QKI: variants seen among roughly 807,000 people sequenced by gnomAD.
The protein encoded by QKI is KH domain-containing RNA-binding protein QKI.
In QKI, 10 loss-of-function variants were observed where a neutral mutation model predicts 39.0. That is an observed-to-expected ratio of 0.26 (90% CI 0.16 to 0.43). QKI has a LOEUF of 0.43. QKI is among the 20% of genes least tolerant of loss of function. The pLI is 1.00. For synonymous variants in QKI, 204 were observed against 155.4 expected (o/e 1.31, Z -2.33); for missense variants, 218 against 428.0 (o/e 0.51, Z 4.33).
Position 163,577,575 on chromosome 6 carries a change from C to T in QKI, c.*6865C>T, listed in dbSNP as rs76813170. On this transcript the variant is annotated 3_prime_UTR_variant, in exon 8 of 8. Transcript: ENST00000361752. ...TGAAGCCAAGTATTCCCTGGTTAGT[C>T]GCCACCCCACCACTCCTTCCTGTCT... 15,823 of 152,228 alleles carry T rather than the reference C, an allele frequency of 0.1. 998 individuals are homozygous for T. The highest frequency in any genetic ancestry group is 0.25 in the East Asian group (1,307 of 5,150). 9.4% of individuals were successfully genotyped at this position (152,228 alleles called of 1,614,324 possible).
At chr6:163,561,180 A>C (rs2128249857) in intron 4 of QKI, among the ~76,000 whole-genome samples, 1 of 152,338 alleles carries the variant, frequency 6.6e-6, no homozygotes, top group Admixed American at 6.5e-5. Flanking sequence ...TGAAGAATTA[A>C]GCATAAAATT....
intron 1 of QKI, among the ~76,000 whole-genome samples, chr6:163,441,215 C>T (rs1474022546): frequency 6.6e-6 from 1 of 152,098 alleles, no homozygotes; most frequent in Non-Finnish European, 1.5e-5. Context: ...AAGAATTTAG[C>T]ATTGATGTAA....
At chr6:163,485,900 C>T (rs1176468013) in intron 3 of QKI, among the ~76,000 whole-genome samples, 1 of 152,202 alleles carries the variant, frequency 6.6e-6, no homozygotes, top group Non-Finnish European at 1.5e-5. Flanking sequence ...ATGGGCCACA[C>T]ATAAAATACA....
intron 3 of QKI, among the ~76,000 whole-genome samples, chr6:163,503,137 A>ATTTTTTTTTTTTTTTTTTTTTTTTT (rs57383986): frequency 1.0e-5 from 1 of 100,034 alleles, no homozygotes; most frequent in Non-Finnish European, 2.0e-5. Flanking sequence ...GGCCCCTTGT[A>ATTTTTTTTTTTTTTTTTTTTTTTTT]TTTTTTTTTT....
At chr6:163,510,963 T>C (rs944783109) in intron 3 of QKI, among the ~76,000 whole-genome samples, 1 of 152,196 alleles carries the variant, frequency 6.6e-6, no homozygotes, top group African/African-American at 2.4e-5. Flanking sequence ...ATCTTACAGC[T>C]AGAGAATTCT....
chr6:163,560,220 C>T (rs542813271), intron 4 of QKI, among the ~76,000 whole-genome samples: 158 of 152,082 alleles, frequency 1.0e-3, no homozygotes, highest in African/African-American at 3.7e-3. Context: ...TGGTGATACT[C>T]AACAGACTGT....
intron 1 of QKI, among the ~76,000 whole-genome samples, chr6:163,421,177 G>A (rs962026237): frequency 1.1e-4 from 16 of 152,158 alleles, no homozygotes; most frequent in African/African-American, 3.6e-4. Flanking sequence ...AGAGGAAAAG[G>A]CACTTATATG....
At chr6:163,548,105 A>G (rs1332851048) in intron 4 of QKI, among the ~76,000 whole-genome samples, 4 of 152,172 alleles carry the variant, frequency 2.6e-5, no homozygotes, top group Non-Finnish European at 4.4e-5. Flanking sequence ...CGTGATTTGT[A>G]TTCTGTACTA....
chr6:163,541,559 CCATT>C (rs755570062), intron 4 of QKI, among the ~76,000 whole-genome samples: 7 of 149,470 alleles, frequency 4.7e-5, no homozygotes, highest in Non-Finnish European at 1.0e-4. Context: ...GTAAAAATCT[CCATT>C]CATTCATTGT....
chr6:163,416,236 G>T, intron 1 of QKI: 1 of 325,584 alleles, frequency 3.1e-6, no homozygotes. Flanking sequence ...AAAGCTGTAT[G>T]GAGCGCTGTG....
chr6:163,533,855 A>G (rs1027214760), intron 3 of QKI, among the ~76,000 whole-genome samples: 3 of 152,226 alleles, frequency 2.0e-5, no homozygotes, highest in Non-Finnish European at 4.4e-5. Flanking sequence ...TTAAAAATAA[A>G]GCAGAAGCAT....
chr6:163,563,584 A>C lies in QKI; in HGVS notation c.799A>C (p.Thr267Pro). The change falls in exon 6 of 8, where the codon ACT (threonine) becomes CCT (proline). Residue 267 changes from threonine to proline, a missense_variant. Around this residue, in one of 3 missense-constraint regions of QKI, gnomAD observed 117 missense variants for 186.0 expected, o/e 0.63. Coordinates refer to ENST00000361752, the MANE Select transcript of QKI (RefSeq NM_006775.3). ...ACAGACCGCTGTCATGCCAAACGGA[A>C]CTCCTCACCCAACTGCTGCAATAGT... ...QIQTAVMPNG[T>P]PHPTAAIVPP... 1 of 1,613,566 alleles carries C rather than the reference A, an allele frequency of 6.2e-7. No homozygotes were observed. Among genetic ancestry groups the C allele is most frequent in the Non-Finnish European group, 8.5e-7 (1 of 1,179,922 alleles).
intron 1 of QKI, among the ~76,000 whole-genome samples, chr6:163,417,422 T>C (rs924103697): frequency 6.6e-6 from 1 of 152,206 alleles, no homozygotes; most frequent in Non-Finnish European, 1.5e-5. Context: ...TTTCACCTTA[T>C]GTATACTATT....
At chr6:163,507,529 G>C (rs1207582266) in intron 3 of QKI, among the ~76,000 whole-genome samples, 1 of 152,160 alleles carries the variant, frequency 6.6e-6, no homozygotes, top group African/African-American at 2.4e-5. Flanking sequence ...CCAACCCAGA[G>C]AAATCTCTGC....
intron 1 of QKI, among the ~76,000 whole-genome samples, chr6:163,441,214 G>A (rs567780041): frequency 3.9e-4 from 60 of 152,248 alleles, no homozygotes; most frequent in Non-Finnish European, 8.5e-4. Context: ...GAAGAATTTA[G>A]CATTGATGTA....
chr6:163,502,170 A>C (rs1274120954), intron 3 of QKI, among the ~76,000 whole-genome samples: 1 of 152,028 alleles, frequency 6.6e-6, no homozygotes, highest in African/African-American at 2.4e-5. Context: ...AAAAAATACA[A>C]AAACTAGCCA....
intron 4 of QKI, among the ~76,000 whole-genome samples, chr6:163,543,512 G>A (rs114767034): frequency 0.01 from 1,526 of 152,168 alleles, 22 homozygotes; most frequent in African/African-American, 0.034. Context: ...TGGTTTAGCT[G>A]CAGGATAAAA....
rs1783665069 is a variant in QKI, at chr6:163,570,857, A to G, written c.*147A>G. The G allele has an allele frequency of 3.6e-6, 4 of 1,114,760 alleles. No individual in the cohort carries two copies. The highest frequency in any genetic ancestry group is 5.0e-6 in the Non-Finnish European group (4 of 800,174). 69.1% of individuals were successfully genotyped at this position (1,114,760 alleles called of 1,614,324 possible). ...TGTCCGTTCGTCTTACCATCTAACC[A>G]AACAAAAGACAAAGAAATTGTTGTC... On this transcript the variant is annotated 3_prime_UTR_variant, in exon 8 of 8. Coordinates refer to ENST00000361752, the MANE Select transcript of QKI (RefSeq NM_006775.3).
intron 7 of QKI, chr6:163,568,765 C>T (rs1046722956): frequency 3.0e-6 from 3 of 984,720 alleles, no homozygotes; most frequent in Non-Finnish European, 3.6e-6. Context: ...TGACCAATAT[C>T]TAGTTCTTTA....
Sources: gnomAD v4.1 joint callset for allele counts (sites outside exome capture counted in the v4.1 genomes callset) on GRCh38, gnomAD v4.1.1 for gene constraint, gnomAD v4.1.1 regional missense constraint, MANE v1.5 for transcripts, NCBI Gene and HGNC (gene_info 2026-07-23, HGNC 2026-07-21) for gene names.